Variants in MTFR1 observed in about 807,000 individuals in gnomAD.
MTFR1 encodes the protein mitochondrial fission regulator 1.
Under a neutral mutation model 38.8 loss-of-function variants are expected in MTFR1, and 28 were observed. The observed-to-expected ratio is 0.72, with a 90% CI of 0.53 to 0.99. MTFR1 has a LOEUF of 0.99. Among genes scored for constraint, MTFR1 ranks in the 50% least tolerant of loss-of-function variants. The pLI, the probability that MTFR1 is intolerant of heterozygous loss-of-function variation, is 0.00. For missense variants in MTFR1, 358 were observed against 395.5 expected (o/e 0.91, Z 0.81); for synonymous variants, 145 against 137.0 (o/e 1.06, Z -0.41).
intron 3 of MTFR1, among the ~76,000 whole-genome samples, chr8:65,761,872 A>G (rs1242611203): frequency 1.3e-5 from 2 of 152,208 alleles, no homozygotes; most frequent in Admixed American, 1.3e-4. Context: ...AAGAACCAAC[A>G]CAACTGGAGC....
At chr8:65,664,029 T>A (rs1249308061) in intron 1 of MTFR1, among the ~76,000 whole-genome samples, 1 of 152,118 alleles carries the variant, frequency 6.6e-6, no homozygotes, top group Non-Finnish European at 1.5e-5. Context: ...TTGGCCAGGC[T>A]GGTCTCGAAC....
At chr8:65,775,509 CAAG>C (rs2128922438), downstream of MTFR1, among the ~76,000 whole-genome samples, 1 of 152,332 alleles carries the variant, frequency 6.6e-6, no homozygotes, top group East Asian at 1.9e-4. Context: ...CTCTTTGACC[CAAG>C]AAGTACTTAT....
chr8:65,778,484 C>T, the MTFR1 span, among the ~76,000 whole-genome samples: 3 of 152,122 alleles, frequency 2.0e-5, no homozygotes, highest in African/African-American at 7.2e-5. Flanking sequence ...TGAACCATTC[C>T]AATCAAAGAC....
rs779777390 is a variant in MTFR1, at chr8:65,736,789, T to TG, written c.*48+17309dup. 8.3e-3 allele frequency among the ~76,000 whole-genome samples: 726 copies of TG among 87,618 alleles called. 2 individuals are homozygous for TG. Among genetic ancestry groups the TG allele is most frequent in the Non-Finnish European group, 0.015 (494 of 33,398 alleles). 57.5% of individuals were successfully genotyped at this position (87,618 alleles called of 152,430 possible). A position where few individuals can be genotyped will look rare whatever the true frequency, so the allele number is the denominator to read the frequency against. Reference sequence around the variant, plus strand: ...AAAAGCCCTATGTAATAAATTTATCTGTTTTTTTTTTTTTTTTTGCCAGAG... The same window carrying TG: ...AAAAGCCCTATGTAATAAATTTATCTGGTTTTTTTTTTTTTTTTTGCCAGAG... On this transcript the variant is annotated intron_variant, in intron 3 of 3. Coordinates refer to the MTFR1 transcript ENST00000521247.
At chr8:65,712,044 A>C (rs1805960990), downstream of MTFR1, among the ~76,000 whole-genome samples, 1 of 152,254 alleles carries the variant, frequency 6.6e-6, no homozygotes, top group Non-Finnish European at 1.5e-5. Flanking sequence ...CAGACTCTTC[A>C]TAACAAGATT....
intron 3 of MTFR1, among the ~76,000 whole-genome samples, chr8:65,687,276 C>T (rs1345533666): frequency 6.6e-6 from 1 of 151,862 alleles, no homozygotes; most frequent in African/African-American, 2.4e-5. Context: ...TGGAGGTAAT[C>T]CAATTCAGTT....
intron 3 of MTFR1, among the ~76,000 whole-genome samples, chr8:65,687,201 T>C (rs1458972661): frequency 6.6e-6 from 1 of 152,158 alleles, no homozygotes; most frequent in Non-Finnish European, 1.5e-5. Flanking sequence ...TTAACAGCAA[T>C]GTATTGTATA....
In MTFR1 at chr8:65,686,253, C is replaced by T. The variant is rs141258687; in HGVS notation, c.165+3802C>T. 2.2e-4 allele frequency among the ~76,000 whole-genome samples: 33 copies of T among 152,178 alleles called. No homozygotes were observed. In the East Asian group the frequency reaches 6.0e-3, roughly 28 times the overall value. On this transcript the variant is annotated intron_variant, in intron 3 of 7. Transcript: ENST00000262146. ...GGCCCTTAAAGATTACTGAATCCAG[C>T]AACAAATAGTATGTTTTATAAATTT...
At chr8:65,662,359 C>T (rs1232644419) in intron 1 of MTFR1, among the ~76,000 whole-genome samples, 5 of 151,932 alleles carry the variant, frequency 3.3e-5, no homozygotes, top group African/African-American at 4.8e-5. Flanking sequence ...CTCGGCCTCC[C>T]GAGGTGCCGG....
intron 3 of MTFR1, among the ~76,000 whole-genome samples, chr8:65,737,143 AT>A (rs1473787755): frequency 3.9e-5 from 6 of 151,970 alleles, no homozygotes; most frequent in African/African-American, 1.2e-4. Flanking sequence ...CTGAGTTATT[AT>A]TTTCTCAATT....
intron 3 of MTFR1, among the ~76,000 whole-genome samples, chr8:65,739,758 T>G (rs1303096639): frequency 1.3e-5 from 2 of 152,256 alleles, no homozygotes; most frequent in Non-Finnish European, 2.9e-5. Context: ...ATGAACTTTA[T>G]ATGTCACATC....
At chr8:65,759,860 A>ATT (rs201184630) in intron 3 of MTFR1, among the ~76,000 whole-genome samples, 5 of 150,254 alleles carry the variant, frequency 3.3e-5, no homozygotes, top group African/African-American at 1.2e-4. Flanking sequence ...GGTACTCTAG[A>ATT]TTTTTTTTTT....
At chr8:65,681,488 T>G (rs1804886432) in intron 2 of MTFR1, among the ~76,000 whole-genome samples, 1 of 152,228 alleles carries the variant, frequency 6.6e-6, no homozygotes, top group Non-Finnish European at 1.5e-5. Flanking sequence ...TCTTTTCTTT[T>G]AAAATTGCTT....
rs2129058936 is a variant in MTFR1, at chr8:65,704,812, G to A, written c.400G>A (p.Ala134Thr). 1 of 1,614,148 alleles carries A rather than the reference G, an allele frequency of 6.2e-7. No individual in the cohort carries two copies. The highest frequency in any genetic ancestry group is 2.2e-5 in the East Asian group (1 of 44,868). Residue 134 changes from alanine (A) to threonine (T), a missense_variant, in exon 5 of 8, where the codon GCG becomes ACG. Physicochemically the swap from Ala to Thr is moderately conservative, Grantham distance 58. Transcript: ENST00000262146. ...SQEEPQLKTP[A>T]LANEEALQKI... ...AGAAGAGCCTCAGCTGAAGACCCCA[G>A]CGCTGGCAAATGAGGAAGCACTGCA... is the stretch of plus-strand genomic sequence containing the variant.
chr8:65,745,798 T>C (rs1290556280), intron 3 of MTFR1, among the ~76,000 whole-genome samples: 2 of 152,242 alleles, frequency 1.3e-5, no homozygotes, highest in African/African-American at 4.8e-5. Flanking sequence ...TCAAATGTTG[T>C]ATGGTTTAGA....
chr8:65,720,031 T>A (rs17304516), intron 3 of MTFR1, among the ~76,000 whole-genome samples: 2 of 152,190 alleles, frequency 1.3e-5, no homozygotes, highest in Non-Finnish European at 1.5e-5. Context: ...GCAAAACTTA[T>A]GATAAGAGTC....
intron 3 of MTFR1, among the ~76,000 whole-genome samples, chr8:65,755,660 C>T (rs1344528773): frequency 6.6e-6 from 1 of 152,108 alleles, no homozygotes; most frequent in African/African-American, 2.4e-5. Context: ...TGTTATAAAC[C>T]AAAAATATAA....
chr8:65,675,293 AAAAAC>A (rs750474218), intron 2 of MTFR1, among the ~76,000 whole-genome samples: 14 of 151,884 alleles, frequency 9.2e-5, no homozygotes, highest in Non-Finnish European at 1.8e-4. Context: ...ACTCCGTCTC[AAAAAC>A]AAAACAAAAC....
At chr8:65,755,603 A>G (rs1415913942) in intron 3 of MTFR1, among the ~76,000 whole-genome samples, 1 of 152,246 alleles carries the variant, frequency 6.6e-6, no homozygotes, top group Non-Finnish European at 1.5e-5. Flanking sequence ...CACAGACATA[A>G]TTATTGTTAC....
Sources: allele counts gnomAD v4.1 joint callset (sites outside exome capture counted in the v4.1 genomes callset), GRCh38; gene constraint gnomAD v4.1.1; transcripts MANE v1.5; gene names NCBI Gene and HGNC (gene_info 2026-07-23, HGNC 2026-07-21).